TAF15: variants seen among roughly 807,000 people sequenced by gnomAD.
TAF15 encodes TATA-binding protein-associated factor 2N.
Under a neutral mutation model 102.5 loss-of-function variants are expected in TAF15, and 37 were observed. That is an observed-to-expected ratio of 0.36 (90% CI 0.28 to 0.47). The LOEUF is 0.47. TAF15 is among the 20% of genes least tolerant of loss of function. The pLI, the probability that TAF15 is intolerant of heterozygous loss-of-function variation, is 0.99. For synonymous variants in TAF15, 273 were observed against 259.2 expected, an observed-to-expected ratio of 1.05 and a Z score of -0.51; for missense variants, 652 against 760.7, an observed-to-expected ratio of 0.86 and a Z score of 1.68.
chr17:35,817,153 A>C (rs2087205730), intron 1 of TAF15: 1 of 151,798 alleles, frequency 6.6e-6, no homozygotes, highest in African/African-American at 2.4e-5. Context: ...GGTATTGCTG[A>C]CTTGCTGTGC....
At chr17:35,840,004 A>C (rs1223435559) in intron 11 of TAF15, among the ~76,000 whole-genome samples, 2 of 152,098 alleles carry the variant, frequency 1.3e-5, no homozygotes, top group African/African-American at 2.4e-5. Context: ...TAATCTTCAT[A>C]ATAATCTTAT....
At chr17:35,815,848 C>G (rs1428676924) in intron 1 of TAF15, among the ~76,000 whole-genome samples, 1 of 152,158 alleles carries the variant, frequency 6.6e-6, no homozygotes, top group African/African-American at 2.4e-5. Flanking sequence ...AGCTACAACT[C>G]TAGCTATCTT....
chr17:35,833,216 A>G (rs1474434057), intron 7 of TAF15, among the ~76,000 whole-genome samples: 2 of 152,094 alleles, frequency 1.3e-5, no homozygotes, highest in African/African-American at 2.4e-5. Flanking sequence ...AATGTGCACT[A>G]CTGATAGTGT....
At chr17:35,829,279 T>C (rs1265603650) in intron 7 of TAF15, among the ~76,000 whole-genome samples, 1 of 151,974 alleles carries the variant, frequency 6.6e-6, no homozygotes, top group African/African-American at 2.4e-5. Context: ...TCTTGGCAGT[T>C]TTAGTCCATA....
Position 35,847,237 on chromosome 17 carries a change from T to G in TAF15, c.*292T>G. On this transcript the variant is annotated 3_prime_UTR_variant, in exon 16 of 16. Coordinates refer to ENST00000605844, the MANE Select transcript of TAF15 (RefSeq NM_139215.3). ...TAAAGGCTGCTTGTTTTTGTGGACT[T>G]TTGTACATACTAGTGCATTGTTCTG... 1.7e-6 allele frequency: 1 copy of G among 599,552 alleles called. No individual in the cohort carries two copies. The highest frequency in any genetic ancestry group is 3.0e-6 in the Non-Finnish European group (1 of 338,086). The allele number at this position is 599,552 out of a possible 1,614,324, so 37.1% of individuals were successfully genotyped here. A position where few individuals can be genotyped will look rare whatever the true frequency, so the allele number is the denominator to read the frequency against.
At chr17:35,831,123 C>T (rs528723804) in intron 7 of TAF15, among the ~76,000 whole-genome samples, 2 of 152,330 alleles carry the variant, frequency 1.3e-5, no homozygotes, top group African/African-American at 4.8e-5. Context: ...ACGTTCAAGG[C>T]CGGGCGCAGT....
chr17:35,833,935 T>A lies in TAF15; in HGVS notation c.634T>A (p.Phe212Ile). The change falls in exon 8 of 16, where the codon TTT (phenylalanine) becomes ATT (isoleucine). Residue 212 changes from phenylalanine to isoleucine, a missense_variant. Phe to Ile is a conservative substitution (Grantham distance 21, BLOSUM62 0). Around this residue, in one of 3 missense-constraint regions of TAF15, gnomAD observed 243 missense variants for 284.1 expected, o/e 0.86. Transcript: ENST00000605844. The part of the protein sequence containing the change: ...SGGDRGGFKN[F>I]GGHRDYGPRT... ...TGGTGACCGCGGTGGCTTCAAAAAT[T>A]TTGGTGGTAAGTGCTGAGTATCCCA... 3.7e-6 allele frequency: 6 copies of A among 1,613,866 alleles called. No homozygotes were observed. The highest frequency in any genetic ancestry group is 5.1e-6 in the Non-Finnish European group (6 of 1,179,954).
At chr17:35,842,562 G>A in intron 12 of TAF15, 103 bp downstream of exon 12, 8 of 897,204 alleles carry the variant, frequency 8.9e-6, no homozygotes, top group African/African-American at 1.6e-5. Context: ...TTTTTCTCTC[G>A]CTAGGTCTTT....
intron 11 of TAF15, among the ~76,000 whole-genome samples, chr17:35,840,247 CTTTTTTTT>C (rs370455465): frequency 2.2e-4 from 26 of 119,392 alleles, no homozygotes; most frequent in Admixed American, 6.9e-4. Flanking sequence ...CGTTATTTTC[CTTTTTTTT>C]TTTTTTTTTT....
chr17:35,837,775 C>T (rs763665899), intron 10 of TAF15, among the ~76,000 whole-genome samples: 5 of 151,338 alleles, frequency 3.3e-5, no homozygotes, highest in South Asian at 2.1e-4. Flanking sequence ...TGCAGTGAGC[C>T]GAGATTGTGC....
In TAF15 at chr17:35,834,740, C is replaced by CTTT. The variant is rs533058888; in HGVS notation, c.673+162_673+164dup. On this transcript the variant is annotated intron_variant, in intron 9 of 15. Transcript: ENST00000605844. ...CTGCCAGAACTGGGGAGCTTTATTT[C>CTTT]TTTTTTTTTTTTTTTTTTTTTTGAG... 1,252 of 235,926 alleles carry CTTT rather than the reference C, an allele frequency of 5.3e-3. 8 individuals carry two copies. Among genetic ancestry groups the CTTT allele is most frequent in the South Asian group, 0.011 (284 of 26,780 alleles). The allele number at this position is 235,926 out of a possible 1,614,324, so 14.6% of individuals were successfully genotyped here. A position where few individuals can be genotyped will look rare whatever the true frequency, so the allele number is the denominator to read the frequency against.
At chr17:35,810,784 A>G (rs1049203271) in intron 1 of TAF15, 3 of 152,182 alleles carry the variant, frequency 2.0e-5, no homozygotes, top group African/African-American at 7.2e-5. Flanking sequence ...GAAGACTACA[A>G]ATTAGCGGGA....
At chr17:35,824,385 C>CT (rs2087300897) in intron 7 of TAF15, 187 bp downstream of exon 7, 1 of 759,096 alleles carries the variant, frequency 1.3e-6, no homozygotes, top group African/African-American at 1.8e-5. Context: ...CATAAATGAC[C>CT]TTAGAATTGG....
chr17:35,831,600 A>G (rs1420082608), intron 7 of TAF15, among the ~76,000 whole-genome samples: 2 of 152,124 alleles, frequency 1.3e-5, no homozygotes. Context: ...CATGTTTTCC[A>G]TCCATTGTGG....
At position 35,844,844 on chromosome 17, in the gene TAF15, TGGA is replaced by T. The variant is rs2087601128; in HGVS notation, c.1550_1552del (p.Gly517del). 1 of 1,599,762 alleles carries T rather than the reference TGGA, an allele frequency of 6.3e-7. No individual in the cohort carries two copies. Among genetic ancestry groups the T allele is most frequent in the Non-Finnish European group, 8.5e-7 (1 of 1,170,242 alleles). ...GTTACGGAGGAGATCGAGGAGGTTA[TGGA>T]GGAGATCGAGGAGGCTATGGAGGAG... On this transcript the variant is annotated inframe_deletion, in exon 15 of 16. Coordinates refer to ENST00000605844, the MANE Select transcript of TAF15 (RefSeq NM_139215.3).
intron 7 of TAF15, among the ~76,000 whole-genome samples, chr17:35,828,373 A>G (rs996654160): frequency 6.6e-6 from 1 of 152,270 alleles, no homozygotes; most frequent in African/African-American, 2.4e-5. Flanking sequence ...AAACAGCACA[A>G]ATAAACAAAT....
At chr17:35,809,952 C>T in intron 1 of TAF15, 1 of 399,384 alleles carries the variant, frequency 2.5e-6, no homozygotes. Flanking sequence ...TGGTTCTCCG[C>T]TCCGCCTCGG....
intron 7 of TAF15, among the ~76,000 whole-genome samples, chr17:35,826,442 C>T (rs79005065): frequency 4.6e-5 from 7 of 152,098 alleles, no homozygotes; most frequent in African/African-American, 1.2e-4. Context: ...TCTATTGTAA[C>T]TATTCATCTC....
At chr17:35,824,455 T>A (rs1307331790) in intron 7 of TAF15, among the ~76,000 whole-genome samples, 1 of 152,238 alleles carries the variant, frequency 6.6e-6, no homozygotes, top group Non-Finnish European at 1.5e-5. Flanking sequence ...ACAACTATGG[T>A]TGTGATTAAA....
Sources: gnomAD v4.1 joint callset for allele counts (sites outside exome capture counted in the v4.1 genomes callset) on GRCh38, gnomAD v4.1.1 for gene constraint, gnomAD v4.1.1 regional missense constraint, MANE v1.5 for transcripts, NCBI Gene and HGNC (gene_info 2026-07-23, HGNC 2026-07-21) for gene names.